Variants in UMAD1 observed in about 807,000 individuals in gnomAD.
The protein encoded by UMAD1 is UBAP1-MVB12-associated (UMA) domain containing 1, also known as UBAP1-MVB12-associated (UMA)-domain containing protein 1.
A neutral mutation model predicts 6.1 loss-of-function variants in UMAD1; 8 were observed. The ratio of observed to expected loss-of-function variants is 1.30; its 90% CI spans 0.76 to 2.35. The LOEUF (loss-of-function observed/expected upper bound fraction) is 2.35. Ranked by LOEUF, UMAD1 falls within the 30% of genes most tolerant of loss-of-function variation. UMAD1 has a pLI of 0.00. For missense variants in UMAD1, 130 were observed against 78.4 expected, an observed-to-expected ratio of 1.66 and a Z score of -2.49; for synonymous variants, 56 against 31.4, an observed-to-expected ratio of 1.78 and a Z score of -2.61.
At chr7:7,642,544 C>T (rs3823841) in intron 1 of UMAD1, among the ~76,000 whole-genome samples, 46,596 of 151,870 alleles carry the variant, frequency 0.31, 9,088 homozygotes, top group East Asian at 0.79. Context: ...TTAGAAAGAC[C>T]ACTTTTAAGC....
intron 2 of UMAD1, among the ~76,000 whole-genome samples, chr7:7,732,907 A>G (rs1358593404): frequency 6.6e-6 from 1 of 152,188 alleles, no homozygotes; most frequent in East Asian, 1.9e-4. Flanking sequence ...AACAATTCCT[A>G]CTACTGATGG....
rs1169853828 is a variant in UMAD1, at chr7:7,877,464, T to G, written c.340T>G (p.Tyr114Asp). Residue 114 changes from tyrosine (Y) to aspartate (D), a missense_variant, in exon 4 of 4, where the codon TAT becomes GAT. Tyr to Asp is a radical substitution (Grantham distance 160). Coordinates refer to ENST00000682710, the MANE Select transcript of UMAD1 (RefSeq NM_001302348.2). ...TGACCTTCCCGACCACTTACTCTCC[T>G]ATGATGGCAGCGAAAACTTATCACG... is the stretch of plus-strand genomic sequence containing the variant. ...ITDLPDHLLS[Y>D]DGSENLSRFW... 1 of 717,666 alleles carries G rather than the reference T, an allele frequency of 1.4e-6. No individual in the cohort carries two copies. Among genetic ancestry groups the G allele is most frequent in the Non-Finnish European group, 2.6e-6 (1 of 385,122 alleles). The allele number at this position is 717,666 out of a possible 1,614,324, so 44.5% of individuals were successfully genotyped here.
chr7:7,663,822 G>A (rs911175998), intron 1 of UMAD1, among the ~76,000 whole-genome samples: 1 of 152,160 alleles, frequency 6.6e-6, no homozygotes, highest in African/African-American at 2.4e-5. Context: ...TTACATGCAT[G>A]ACTATCAGTT....
chr7:7,735,235 C>G (rs1054519317), intron 2 of UMAD1, among the ~76,000 whole-genome samples: 1 of 152,070 alleles, frequency 6.6e-6, no homozygotes, highest in African/African-American at 2.4e-5. Context: ...AAAAAATAAC[C>G]CATTACGGGA....
intron 2 of UMAD1, among the ~76,000 whole-genome samples, chr7:7,685,651 T>C (rs927030120): frequency 2.0e-5 from 3 of 152,214 alleles, no homozygotes; most frequent in Admixed American, 1.3e-4. Flanking sequence ...ATTTAAGTGT[T>C]GGCCCACTTG....
At chr7:7,839,632 G>A (rs1057240433) in intron 3 of UMAD1, among the ~76,000 whole-genome samples, 5 of 152,126 alleles carry the variant, frequency 3.3e-5, no homozygotes, top group African/African-American at 9.7e-5. Context: ...GGAATGATCC[G>A]GGAGAGAGGG....
intron 3 of UMAD1, among the ~76,000 whole-genome samples, chr7:7,834,016 C>CTTTTTTT (rs4034895): frequency 1.0e-4 from 11 of 110,448 alleles, no homozygotes; most frequent in Non-Finnish European, 1.5e-4. Context: ...TTTTTCTTTT[C>CTTTTTTT]TTTTTTTTTT....
chr7:7,873,631 C>G (rs141809875), intron 3 of UMAD1, among the ~76,000 whole-genome samples: 196 of 152,256 alleles, frequency 1.3e-3, no homozygotes, highest in African/African-American at 3.6e-3. Flanking sequence ...TAGGCATGTG[C>G]TTTTTAACTT....
chr7:7,654,286 C>G (rs1785292019), intron 1 of UMAD1, among the ~76,000 whole-genome samples: 1 of 152,090 alleles, frequency 6.6e-6, no homozygotes. Context: ...CTGTTTTACC[C>G]AAGTGAGGCC....
chr7:7,698,128 C>G (rs920243921), intron 2 of UMAD1, among the ~76,000 whole-genome samples: 2 of 152,148 alleles, frequency 1.3e-5, no homozygotes, highest in African/African-American at 4.8e-5. Flanking sequence ...AGACACTGTG[C>G]TGACAGGCAC....
At chr7:7,803,724 G>A (rs1782849558) in intron 3 of UMAD1, among the ~76,000 whole-genome samples, 1 of 151,228 alleles carries the variant, frequency 6.6e-6, no homozygotes, top group African/African-American at 2.4e-5. Flanking sequence ...TTTGCACTCT[G>A]GCTGTGTCCT....
intron 3 of UMAD1, among the ~76,000 whole-genome samples, chr7:7,811,030 A>G (rs1783011472): frequency 6.6e-6 from 1 of 152,182 alleles, no homozygotes; most frequent in South Asian, 2.1e-4. Flanking sequence ...AACTTTTCTC[A>G]TTAATCAACC....
intron 2 of UMAD1, among the ~76,000 whole-genome samples, chr7:7,795,647 T>G (rs544363817): frequency 6.6e-6 from 1 of 152,070 alleles, no homozygotes; most frequent in East Asian, 1.9e-4. Context: ...TATTCATGAG[T>G]TTTTAAGGAA....
chr7:7,819,984 A>G (rs1359141262), intron 3 of UMAD1, among the ~76,000 whole-genome samples: 2 of 152,240 alleles, frequency 1.3e-5, no homozygotes, highest in African/African-American at 2.4e-5. Context: ...GACTCATCAT[A>G]TCAAGATCAA....
intron 2 of UMAD1, among the ~76,000 whole-genome samples, chr7:7,796,244 C>CT (rs59221325): frequency 0.015 from 946 of 63,872 alleles, 43 homozygotes; most frequent in Non-Finnish European, 0.019. Context: ...TATTTTCTTT[C>CT]TTTTTTTTTT....
At chr7:7,811,574 G>A (rs117276127) in intron 3 of UMAD1, among the ~76,000 whole-genome samples, 3,115 of 152,230 alleles carry the variant, frequency 0.02, 59 homozygotes, top group Non-Finnish European at 0.029. Flanking sequence ...GATGAATTAG[G>A]TGCAATGTTT....
chr7:7,809,421 A>G (rs1381429992), intron 3 of UMAD1, among the ~76,000 whole-genome samples: 2 of 151,998 alleles, frequency 1.3e-5, no homozygotes, highest in Admixed American at 1.3e-4. Context: ...TTTTATTTTT[A>G]ATGGACAAGT....
intron 2 of UMAD1, among the ~76,000 whole-genome samples, chr7:7,790,107 G>T (rs893006999): frequency 2.6e-5 from 4 of 151,878 alleles, no homozygotes; most frequent in African/African-American, 9.7e-5. Flanking sequence ...AAGGCTCTCT[G>T]TCTGCTTCAG....
intron 3 of UMAD1, among the ~76,000 whole-genome samples, chr7:7,824,948 G>GT (rs1340290041): frequency 1.3e-5 from 2 of 152,192 alleles, no homozygotes; most frequent in African/African-American, 4.8e-5. Flanking sequence ...ACTGGGTTTT[G>GT]TTTTTTTGTT....
Sources: gnomAD v4.1 joint callset for allele counts (sites outside exome capture counted in the v4.1 genomes callset) on GRCh38, gnomAD v4.1.1 for gene constraint, MANE v1.5 for transcripts, NCBI Gene and HGNC (gene_info 2026-07-23, HGNC 2026-07-21) for gene names.